The following FAT3 variants were observed in gnomAD, a reference collection of about 807,000 sequenced individuals.
FAT3 encodes FAT atypical cadherin 3, also known as protocadherin Fat 3.
In FAT3, 95 loss-of-function variants were observed where a neutral mutation model predicts 310.2. The ratio of observed to expected loss-of-function variants is 0.31; its 90% CI spans 0.26 to 0.36. The LOEUF is 0.36. Ranked by LOEUF, FAT3 falls within the 10% of genes least tolerant of loss-of-function variation. The pLI is 1.00. For synonymous variants in FAT3, 2,314 were observed against 2,192.9 expected (o/e 1.06, Z -1.54); for missense variants, 5,408 against 5,715.6 (o/e 0.95, Z 1.74).
At chr11:92,588,638 T>TGAGGTGAGAGTACA (rs1555092613) in intron 3 of FAT3, among the ~76,000 whole-genome samples, 3 of 151,892 alleles carry the variant, frequency 2.0e-5, no homozygotes, top group African/African-American at 7.3e-5. Context: ...AGTAAGAGAC[T>TGAGGTGAGAGTACA]TGGTGCAGAC....
chr11:92,276,952 C>T (rs1823820357), intron 1 of FAT3, among the ~76,000 whole-genome samples: 1 of 152,102 alleles, frequency 6.6e-6, no homozygotes, highest in South Asian at 2.1e-4. Context: ...ACACACTGTT[C>T]CCACTCTAAA....
intron 3 of FAT3, among the ~76,000 whole-genome samples, chr11:92,651,295 T>C (rs939514130): frequency 2.6e-5 from 4 of 152,186 alleles, no homozygotes; most frequent in Admixed American, 2.6e-4. Context: ...TAACGTGGAA[T>C]TGTGAAGATG....
chr11:92,711,586 A>C (rs1944523114), intron 4 of FAT3, among the ~76,000 whole-genome samples: 1 of 152,208 alleles, frequency 6.6e-6, no homozygotes, highest in Non-Finnish European at 1.5e-5. Flanking sequence ...GCTTGCACGC[A>C]AATATGAACA....
intron 2 of FAT3, among the ~76,000 whole-genome samples, chr11:92,478,948 CTTTCTTTTCTTTTCT>C (rs113372595): frequency 7.9e-5 from 9 of 114,508 alleles, no homozygotes; most frequent in East Asian, 5.2e-4. Context: ...TTCTTTCTTT[CTTTCTTTTCTTTTCT>C]TTTCTTTTCT....
At chr11:92,866,524 C>A (rs1420214839) in intron 21 of FAT3, among the ~76,000 whole-genome samples, 1 of 152,154 alleles carries the variant, frequency 6.6e-6, no homozygotes, top group South Asian at 2.1e-4. Context: ...TATTACTAAT[C>A]ACAAGATTTG....
intron 3 of FAT3, among the ~76,000 whole-genome samples, chr11:92,596,910 G>C (rs541167060): frequency 1.3e-5 from 2 of 152,234 alleles, no homozygotes; most frequent in South Asian, 2.1e-4. Flanking sequence ...TGTGGATTTT[G>C]TTCTCTTTCC....
rs1949724862 is a variant in FAT3, at chr11:92,883,467, C to T, written c.12937+74C>T. 1 of 1,514,000 alleles carries T rather than the reference C, an allele frequency of 6.6e-7. No individual in the cohort carries two copies. Among genetic ancestry groups the T allele is most frequent in the Admixed American group, 2.1e-5 (1 of 47,724 alleles). 93.8% of individuals were successfully genotyped at this position (1,514,000 alleles called of 1,614,324 possible). A position where few individuals can be genotyped will look rare whatever the true frequency, so the allele number is the denominator to read the frequency against. ...GCAGGGGCGCTGTGCGAGGACGCTACGGGAAGGGAGAGAGACCCCGCATGC... is the reference window on the plus strand; with the variant it reads ...GCAGGGGCGCTGTGCGAGGACGCTATGGGAAGGGAGAGAGACCCCGCATGC... On this transcript the variant is annotated intron_variant, in intron 24 of 27. Transcript: ENST00000525166. The surrounding 1 kb of genome is among the most constrained non-coding windows in gnomAD (Gnocchi z 4.2).
chr11:92,566,236 C>A (rs1249808480), intron 3 of FAT3, among the ~76,000 whole-genome samples: 1 of 152,116 alleles, frequency 6.6e-6, no homozygotes, highest in African/African-American at 2.4e-5. Context: ...TTCTTATACA[C>A]CAATAACAGA....
At chr11:92,775,354 T>C (rs1946573005) in intron 7 of FAT3, among the ~76,000 whole-genome samples, 1 of 152,228 alleles carries the variant, frequency 6.6e-6, no homozygotes. Context: ...AAAAATATAA[T>C]GCAACTCTTT....
intron 1 of FAT3, among the ~76,000 whole-genome samples, chr11:92,247,961 C>A (rs1432428574): frequency 1.3e-5 from 2 of 151,914 alleles, no homozygotes; most frequent in African/African-American, 4.8e-5. Flanking sequence ...GTCTGGGTAA[C>A]ACAGCAAGAC....
At chr11:92,391,005 T>C (rs537376108) in intron 2 of FAT3, among the ~76,000 whole-genome samples, 4 of 152,310 alleles carry the variant, frequency 2.6e-5, no homozygotes, top group South Asian at 4.1e-4. Flanking sequence ...TGTTTGCCTG[T>C]TGATTTGTGT....
At chr11:92,411,118 A>ATAT (rs35786822) in intron 2 of FAT3, among the ~76,000 whole-genome samples, 116,247 of 139,580 alleles carry the variant, frequency 0.83, 48,891 homozygotes, top group Non-Finnish European at 0.89. Flanking sequence ...AAAAATATAT[A>ATAT]TATTTATATA....
chr11:92,280,422 A>C (rs1357403366), intron 1 of FAT3, among the ~76,000 whole-genome samples: 1 of 152,232 alleles, frequency 6.6e-6, no homozygotes, highest in East Asian at 1.9e-4. Context: ...GAAATACAGC[A>C]GTAAGTAATT....
At chr11:92,569,131 G>C (rs1478623223) in intron 3 of FAT3, among the ~76,000 whole-genome samples, 1 of 152,130 alleles carries the variant, frequency 6.6e-6, no homozygotes, top group African/African-American at 2.4e-5. Context: ...CATGACTTCA[G>C]CATAGCCCAG....
intron 1 of FAT3, among the ~76,000 whole-genome samples, chr11:92,240,332 C>G (rs983060012): frequency 2.6e-5 from 4 of 151,960 alleles, no homozygotes; most frequent in African/African-American, 9.7e-5. Context: ...ACAGATAGAA[C>G]TTGAATATTC....
intron 2 of FAT3, among the ~76,000 whole-genome samples, chr11:92,505,157 T>G (rs1953060528): frequency 6.6e-6 from 1 of 151,982 alleles, no homozygotes; most frequent in Non-Finnish European, 1.5e-5. Flanking sequence ...TGGAGGTGGT[T>G]GTGTGTGCCT....
At chr11:92,695,087 C>G (rs997178507) in intron 3 of FAT3, among the ~76,000 whole-genome samples, 1 of 152,132 alleles carries the variant, frequency 6.6e-6, no homozygotes, top group African/African-American at 2.4e-5. Context: ...TCCATCACCC[C>G]ACCCCACACC....
intron 3 of FAT3, among the ~76,000 whole-genome samples, chr11:92,656,289 A>C (rs1181035222): frequency 6.6e-6 from 1 of 152,216 alleles, no homozygotes; most frequent in African/African-American, 2.4e-5. Context: ...ACAGCCAGTC[A>C]GCACTTGATT....
At chr11:92,277,446 A>G (rs1946302580) in intron 1 of FAT3, among the ~76,000 whole-genome samples, 1 of 152,166 alleles carries the variant, frequency 6.6e-6, no homozygotes, top group Non-Finnish European at 1.5e-5. Flanking sequence ...ACAGCAAGAC[A>G]TGGAATCAAC....
Sources: allele counts gnomAD v4.1 joint callset (sites outside exome capture counted in the v4.1 genomes callset), GRCh38; gene constraint gnomAD v4.1.1; non-coding constraint Gnocchi (gnomAD v3.1); transcripts MANE v1.5; gene names NCBI Gene and HGNC (gene_info 2026-07-23, HGNC 2026-07-21).